Variants in LARS1 observed in about 807,000 individuals in gnomAD.
LARS1 encodes leucine--tRNA ligase, cytoplasmic.
Under a neutral mutation model 162.8 loss-of-function variants are expected in LARS1, and 100 were observed. The observed-to-expected ratio is 0.61, with a 90% CI of 0.52 to 0.73. The LOEUF is 0.73. Ranked by LOEUF, LARS1 falls within the 30% of genes least tolerant of loss-of-function variation. The pLI is 0.00. For missense variants in LARS1, 1,258 were observed against 1,408.9 expected, an observed-to-expected ratio of 0.89 and a Z score of 1.71; for synonymous variants, 457 against 462.8, an observed-to-expected ratio of 0.99 and a Z score of 0.16.
intron 14 of LARS1, 142 bp from the exon 15 acceptor site, chr5:146,149,841 A>C (rs1325846377): frequency 1.1e-5 from 7 of 652,882 alleles, no homozygotes; most frequent in Non-Finnish European, 1.9e-5. Context: ...TACAACGATA[A>C]TTTTTCATTT....
At chr5:146,126,866 T>A (rs1185185951) in intron 27 of LARS1, among the ~76,000 whole-genome samples, 4 of 152,094 alleles carry the variant, frequency 2.6e-5, no homozygotes, top group Non-Finnish European at 4.4e-5. Flanking sequence ...ATTTTATTAG[T>A]CATATTAAAA....
At chr5:146,127,069 A>C (rs1335408146) in intron 27 of LARS1, among the ~76,000 whole-genome samples, 1 of 152,076 alleles carries the variant, frequency 6.6e-6, no homozygotes, top group Non-Finnish European at 1.5e-5. Context: ...GCTTTAAATG[A>C]ATCTAAATTC....
chr5:146,143,867 T>C (rs1752897474), intron 18 of LARS1, among the ~76,000 whole-genome samples: 1 of 151,970 alleles, frequency 6.6e-6, no homozygotes, highest in Non-Finnish European at 1.5e-5. Context: ...CCAGGCATGG[T>C]GGTGGGTGCC....
chr5:146,169,369 A>G (rs1256031008), intron 4 of LARS1, among the ~76,000 whole-genome samples: 1 of 152,216 alleles, frequency 6.6e-6, no homozygotes, highest in Non-Finnish European at 1.5e-5. Context: ...GAGAAAAATA[A>G]GAAATACAGA....
chr5:146,147,100 C>A (rs1045638175), intron 15 of LARS1, among the ~76,000 whole-genome samples: 1 of 152,184 alleles, frequency 6.6e-6, no homozygotes, highest in East Asian at 1.9e-4. Context: ...ACTTAACAAC[C>A]GGGAGTCGCC....
At chr5:146,174,360 G>T (rs1243358371) in intron 2 of LARS1, among the ~76,000 whole-genome samples, 1 of 147,984 alleles carries the variant, frequency 6.8e-6, no homozygotes, top group East Asian at 2.0e-4. Flanking sequence ...CAGGAGAATC[G>T]CTTGAACACG....
At chr5:146,179,825 A>G in intron 1 of LARS1, 1 of 199,020 alleles carries the variant, frequency 5.0e-6, no homozygotes, top group South Asian at 5.0e-5. Context: ...CTGGTCTTGA[A>G]CTCCTAGGCT....
chr5:146,135,533 T>C, intron 22 of LARS1, 68 bp downstream of exon 22: 1 of 1,180,970 alleles, frequency 8.5e-7, no homozygotes, highest in South Asian at 1.4e-5. Flanking sequence ...AAACACCAAT[T>C]TTAACGTGTC....
intron 15 of LARS1, among the ~76,000 whole-genome samples, chr5:146,149,001 G>A (rs575596993): frequency 3.9e-5 from 6 of 152,282 alleles, no homozygotes; most frequent in African/African-American, 1.4e-4. Context: ...CTTGAACCCA[G>A]GAGGTGGAGG....
At chr5:146,128,809 T>C (rs1447095006) in intron 26 of LARS1, 27 bp from the exon 27 acceptor site, 1 of 1,576,906 alleles carries the variant, frequency 6.3e-7, no homozygotes, top group African/African-American at 1.4e-5. Context: ...AGGAAAAACA[T>C]TCAATAGCTT....
chr5:146,136,541 C>T (rs1487242295), intron 21 of LARS1, among the ~76,000 whole-genome samples: 4 of 149,848 alleles, frequency 2.7e-5, no homozygotes, highest in South Asian at 2.1e-4. Context: ...AGTGCAGTGG[C>T]GCAATCTTGG....
At chr5:146,168,007 T>C (rs1754094988) in intron 5 of LARS1, 121 bp downstream of exon 5, 1 of 869,372 alleles carries the variant, frequency 1.2e-6, no homozygotes, top group African/African-American at 1.7e-5. Flanking sequence ...TTTGCTTTGA[T>C]ACTTTAAAAA....
At chr5:146,152,180 T>C (rs1753323094) in intron 13 of LARS1, among the ~76,000 whole-genome samples, 178 bp from the exon 14 acceptor site, 1 of 152,186 alleles carries the variant, frequency 6.6e-6, no homozygotes, top group African/African-American at 2.4e-5. Context: ...AATTTGTCCT[T>C]CTACTCTCCA....
Position 146,176,170 on chromosome 5 carries a change from AAGGCT to A in LARS1, c.125+1372_125+1376del, listed in dbSNP as rs1487050330. On this transcript the variant is annotated intron_variant, in intron 2 of 31. Coordinates refer to ENST00000394434, the MANE Select transcript of LARS1 (RefSeq NM_020117.11). Reference sequence around the variant, plus strand: ...TTGTCTAAAAAAAGAAAGAAAGAAAAAGGCTAGGCACGGTGGCTTATGCCTGTAAT... The same window carrying A: ...TTGTCTAAAAAAAGAAAGAAAGAAAAAGGCACGGTGGCTTATGCCTGTAAT... 2.0e-5 allele frequency among the ~76,000 whole-genome samples: 3 copies of A among 151,894 alleles called. No individual in the cohort carries two copies. The East Asian group carries it at 5.8e-4, about 29-fold the overall frequency.
Position 146,164,460 on chromosome 5 carries a change from A to C in LARS1, c.444T>G (p.Ala148=). ...GGTATTTAGAAGATCCAGCTTTAGC[A>C]GCAGCTTTACTCTGAAAATAATGGA... The part of the protein sequence containing the change: ...DKAKGKKSKA[A]AKAGSSKYQW... The change falls in exon 6 of 32, where the codon GCT becomes GCG. Residue 148 remains alanine, a synonymous_variant. Transcript: ENST00000394434. The C allele has an allele frequency of 6.2e-7, 1 of 1,614,044 alleles. No homozygotes were observed. Among genetic ancestry groups the C allele is most frequent in the South Asian group, 1.1e-5 (1 of 91,068 alleles).
At position 146,126,453 on chromosome 5, in the gene LARS1, T is replaced by C. The variant is rs774684132; in HGVS notation, c.2973A>G (p.Pro991=). Residue 991 remains proline (P), a synonymous_variant, in exon 28 of 32, where the codon CCA becomes CCG. Transcript: ENST00000394434. ...ELKKYMKKVM[P]FVAMIKENLE... is the part of the protein sequence containing the mutation. ...AGCTTACCTTAATCATGGCAACAAA[T>C]GGCATGACTTTCTTCATGTATTTCT... The C allele has an allele frequency of 1.9e-5, 30 of 1,609,776 alleles. No homozygotes were observed. The highest frequency in any genetic ancestry group is 8.9e-5 in the East Asian group (4 of 44,844).
At chr5:146,161,553 AC>A (rs1478056251) in intron 6 of LARS1, among the ~76,000 whole-genome samples, 2 of 152,016 alleles carry the variant, frequency 1.3e-5, no homozygotes, top group Non-Finnish European at 2.9e-5. Context: ...ACATGGAGAA[AC>A]CCCGTCTCTA....
chr5:146,132,139 C>T (rs2963923), intron 23 of LARS1: 99,121 of 151,936 alleles, frequency 0.65, 32,642 homozygotes, highest in Middle Eastern at 0.79. Flanking sequence ...GAAACCCCAT[C>T]TCTACTAAAA....
intron 6 of LARS1, among the ~76,000 whole-genome samples, chr5:146,161,497 G>C (rs938549881): frequency 6.6e-6 from 1 of 152,216 alleles, no homozygotes; most frequent in East Asian, 1.9e-4. Context: ...GGGAGGCCAA[G>C]GCAGGCGGAT....
Sources: allele counts gnomAD v4.1 joint callset (sites outside exome capture counted in the v4.1 genomes callset), GRCh38; gene constraint gnomAD v4.1.1; transcripts MANE v1.5; gene names NCBI Gene and HGNC (gene_info 2026-07-23, HGNC 2026-07-21).